ATP1B2: variants seen among roughly 807,000 people sequenced by gnomAD.
ATP1B2 encodes the protein ATPase Na+/K+ transporting subunit beta 2, also known as sodium/potassium-transporting ATPase subunit beta-2.
ATP1B2 carries 12 observed loss-of-function variants against 37.3 expected under a neutral mutation model. The ratio of observed to expected loss-of-function variants is 0.32; its 90% CI spans 0.21 to 0.52. The LOEUF (loss-of-function observed/expected upper bound fraction) is 0.52. Ranked by LOEUF, ATP1B2 falls within the 20% of genes least tolerant of loss-of-function variation. ATP1B2 has a pLI of 0.96. For synonymous variants in ATP1B2, 139 were observed against 140.5 expected (o/e 0.99, Z 0.07); for missense variants, 324 against 391.6 (o/e 0.83, Z 1.46).
upstream of ATP1B2, among the ~76,000 whole-genome samples, chr17:7,647,556 C>T (rs1392305842): frequency 6.6e-6 from 1 of 152,166 alleles, no homozygotes; most frequent in African/African-American, 2.4e-5. Context: ...TGCGGTGGCT[C>T]ACGCCTGTAA....
At position 7,651,779 on chromosome 17, in the gene ATP1B2, C is replaced by G. The variant is rs943532124; in HGVS notation, c.112+149C>G. On this transcript the variant is annotated intron_variant, in intron 1 of 6. Transcript: ENST00000250111. Reference sequence around the variant, plus strand: ...GCTCTGGGCTGGGAGGGGGCCGAATCGCCAGTCTAATCTCCCCGGCTGGCC... The same window carrying G: ...GCTCTGGGCTGGGAGGGGGCCGAATGGCCAGTCTAATCTCCCCGGCTGGCC... The G allele has an allele frequency of 4.5e-6, 3 of 673,100 alleles. No homozygotes were observed. In the African/African-American group the frequency reaches 5.9e-5, roughly 13 times the overall value. The allele number at this position is 673,100 out of a possible 1,614,324, so 41.7% of individuals were successfully genotyped here. A position where few individuals can be genotyped will look rare whatever the true frequency, so the allele number is the denominator to read the frequency against.
chr17:7,649,300 C>A (rs1282001198), upstream of ATP1B2, among the ~76,000 whole-genome samples: 1 of 152,156 alleles, frequency 6.6e-6, no homozygotes, highest in African/African-American at 2.4e-5. Flanking sequence ...TCTCGAACTC[C>A]CTTGCTCAGG....
At position 7,654,834 on chromosome 17, in the gene ATP1B2, T is replaced by G. The variant is rs2072639150; in HGVS notation, c.609+150T>G. On this transcript the variant is annotated intron_variant, in intron 5 of 6. Coordinates refer to ENST00000250111, the MANE Select transcript of ATP1B2 (RefSeq NM_001678.5). The surrounding 1 kb of genome is among the most constrained non-coding windows in gnomAD (Gnocchi z 4.9). ...AAACAAGGGGGTAAGAGTGGGCTTT[T>G]GGGCTCCACTGTAGCTTGAACTCCG... 2 of 832,042 alleles carry G rather than the reference T, an allele frequency of 2.4e-6. No homozygotes were observed. The highest frequency in any genetic ancestry group is 3.8e-6 in the Non-Finnish European group (2 of 520,946). The allele number at this position is 832,042 out of a possible 1,614,324, so 51.5% of individuals were successfully genotyped here. A position where few individuals can be genotyped will look rare whatever the true frequency, so the allele number is the denominator to read the frequency against.
At chr17:7,647,039 T>G (rs928266155), upstream of ATP1B2, among the ~76,000 whole-genome samples, 12 of 148,210 alleles carry the variant, frequency 8.1e-5, no homozygotes, top group Non-Finnish European at 1.6e-4. Context: ...GCTGGGAGGA[T>G]TGGATCACCA....
At chr17:7,649,613 A>C (rs113626315), upstream of ATP1B2, among the ~76,000 whole-genome samples, 2,819 of 125,228 alleles carry the variant, frequency 0.023, 89 homozygotes, top group African/African-American at 0.079. Context: ...AGTGCAGTGG[A>C]GCGATCTCGG....
intron 1 of ATP1B2, among the ~76,000 whole-genome samples, chr17:7,652,911 C>T (rs1254459321): frequency 6.6e-6 from 1 of 152,146 alleles, no homozygotes; most frequent in Admixed American, 6.5e-5. Context: ...CTGAAGGGCA[C>T]CAGGAGAGAG....
chr17:7,654,284 G>A lies in ATP1B2; in HGVS notation c.552+27G>A. On this transcript the variant is annotated intron_variant, in intron 4 of 6. Coordinates refer to ENST00000250111, the MANE Select transcript of ATP1B2 (RefSeq NM_001678.5). The surrounding 1 kb of genome is among the most constrained non-coding windows in gnomAD (Gnocchi z 4.9). ...TATCTATGACCTTGGTCCCCAGGGT[G>A]AATGGAGGAAGGATCTGGGGACACC... The A allele has an allele frequency of 6.2e-7, 1 of 1,610,682 alleles. No individual in the cohort carries two copies. The highest frequency in any genetic ancestry group is 8.5e-7 in the Non-Finnish European group (1 of 1,177,510).
In ATP1B2 at chr17:7,651,601, A is replaced by G. The variant is rs1408311002; in HGVS notation, c.83A>G (p.Gln28Arg). The change falls in exon 1 of 7, where the codon CAG (glutamine) becomes CGG (arginine). Residue 28 changes from glutamine to arginine, a missense_variant. Physicochemically the swap from Gln to Arg is conservative, Grantham distance 43. Transcript: ENST00000250111. ...KEFVWNPRTHQFMGRTGTSWA... is the reference protein window; with the variant it reads ...KEFVWNPRTHRFMGRTGTSWA... The stretch of plus-strand genomic sequence containing the variant: ...TTCGTGTGGAACCCGAGGACGCACC[A>G]GTTTATGGGCCGCACCGGGACCAGC... 2 of 1,605,748 alleles carry G rather than the reference A, an allele frequency of 1.2e-6. No homozygotes were observed. Among genetic ancestry groups the G allele is most frequent in the Non-Finnish European group, 1.7e-6 (2 of 1,176,466 alleles).
At chr17:7,653,559 T>C in intron 2 of ATP1B2, 57 bp downstream of exon 2, 2 of 1,597,862 alleles carry the variant, frequency 1.3e-6, no homozygotes, top group Non-Finnish European at 8.5e-7. Context: ...CCCCCAAACC[T>C]CCAGAAGGAA....
In ATP1B2 at chr17:7,654,882, T is replaced by A. The variant is rs1391568932; in HGVS notation, c.609+198T>A. 3 of 593,784 alleles carry A rather than the reference T, an allele frequency of 5.1e-6. No individual in the cohort carries two copies. The highest frequency in any genetic ancestry group is 3.7e-5 in the African/African-American group (2 of 53,718). The allele number at this position is 593,784 out of a possible 1,614,324, so 36.8% of individuals were successfully genotyped here. A position where few individuals can be genotyped will look rare whatever the true frequency, so the allele number is the denominator to read the frequency against. ...CCGAGGGCCCCGCACTCCTCTTGCT[T>A]CTCTCTGGGATGCAGAGGCCTGCTC... On this transcript the variant is annotated intron_variant, in intron 5 of 6. Coordinates refer to ENST00000250111, the MANE Select transcript of ATP1B2 (RefSeq NM_001678.5). The surrounding 1 kb of genome is among the most constrained non-coding windows in gnomAD (Gnocchi z 4.9).
rs1247295982 is a variant in ATP1B2 at position 7,656,843 on chromosome 17, T to C, written c.*948T>C. On this transcript the variant is annotated 3_prime_UTR_variant, in exon 7 of 7. Transcript: ENST00000250111. The stretch of plus-strand genomic sequence containing the variant: ...GGCTAATTTCTTTCTTTCTTTTTTT[T>C]TTTTTTTGCATTTTTTAGTAGAGAT... 1 of 151,072 alleles carries C rather than the reference T, an allele frequency of 6.6e-6. No individual in the cohort carries two copies. The highest frequency in any genetic ancestry group is 1.5e-5 in the Non-Finnish European group (1 of 67,716). 9.4% of individuals were successfully genotyped at this position (151,072 alleles called of 1,614,324 possible).
At chr17:7,649,092 G>A (rs1393646488), upstream of ATP1B2, among the ~76,000 whole-genome samples, 1 of 152,094 alleles carries the variant, frequency 6.6e-6, no homozygotes, top group Non-Finnish European at 1.5e-5. Context: ...TTTTGCTCTT[G>A]TCCAGGCTGG....
rs1469561561 is a variant in ATP1B2 at position 7,650,952 on chromosome 17, C to T, written c.-567C>T. Among the ~76,000 whole-genome samples the T allele has an allele frequency of 2.0e-5, 3 of 152,140 alleles. No individual in the cohort carries two copies. The highest frequency in any genetic ancestry group is 4.4e-5 in the Non-Finnish European group (3 of 68,012). ...CACTGCTGAGGAGCGGAGCCTCCGC[C>T]TGGGGGGCCCCCCATCCCTGGCTGT... On this transcript the variant is annotated 5_prime_UTR_variant, in exon 1 of 7. Coordinates refer to ENST00000250111, the MANE Select transcript of ATP1B2 (RefSeq NM_001678.5).
intron 1 of ATP1B2, among the ~76,000 whole-genome samples, chr17:7,652,930 A>G (rs542593438): frequency 3.3e-5 from 5 of 152,286 alleles, no homozygotes; most frequent in South Asian, 2.1e-4. Context: ...AGATGTTGCT[A>G]TTCAAATCTG....
chr17:7,657,340 C>G lies in ATP1B2; in HGVS notation c.*1445C>G, dbSNP rs2072661907. The G allele has an allele frequency of 6.6e-6, 1 of 152,048 alleles. No homozygotes were observed. The highest frequency in any genetic ancestry group is 2.4e-5 in the African/African-American group (1 of 41,370). The allele number at this position is 152,048 out of a possible 1,614,324, so 9.4% of individuals were successfully genotyped here. A position where few individuals can be genotyped will look rare whatever the true frequency, so the allele number is the denominator to read the frequency against. On this transcript the variant is annotated 3_prime_UTR_variant, in exon 7 of 7. Transcript: ENST00000250111. The stretch of plus-strand genomic sequence containing the variant: ...AGCCTGAAAATTCCAAATCTAGCCT[C>G]TGAATGTCTTGGCTCCATCTCTTCA...
chr17:7,649,448 C>T (rs924178207), upstream of ATP1B2, among the ~76,000 whole-genome samples: 40 of 151,678 alleles, frequency 2.6e-4, no homozygotes, highest in African/African-American at 8.7e-4. Context: ...AGTGCAATGG[C>T]GTGATCTCAG....
rs2072611473 is a variant in ATP1B2 at position 7,651,429 on chromosome 17, C to T, written c.-90C>T. ...GCCCGCGCCGCCTTCGCTCCCCGTG[C>T]TTTTGGGTGTGTGGAGGGCTTCAGC... is the stretch of plus-strand genomic sequence containing the variant. On this transcript the variant is annotated 5_prime_UTR_variant, in exon 1 of 7. Transcript: ENST00000250111. The T allele has an allele frequency of 8.3e-7, 1 of 1,207,676 alleles. No homozygotes were observed. Among genetic ancestry groups the T allele is most frequent in the African/African-American group, 1.5e-5 (1 of 65,418 alleles). 74.8% of individuals were successfully genotyped at this position (1,207,676 alleles called of 1,614,324 possible).
In ATP1B2 at chr17:7,655,626, G is replaced by A. The variant is rs1466754424; in HGVS notation, c.708+1G>A. On this transcript the variant is annotated splice_donor_variant, in intron 6 of 6. Coordinates refer to ENST00000250111, the MANE Select transcript of ATP1B2 (RefSeq NM_001678.5). LOFTEE classifies it high-confidence loss of function. This position sits in a 1 kb window ranked among gnomAD's most constrained non-coding sequence, Gnocchi z 4.4. ...CCCCTACTATGGCAAAAAGTTCCAC[G>A]TAAGTCCCAGGGGAGGCCCAGGCTG... 6 of 1,614,022 alleles carry A rather than the reference G, an allele frequency of 3.7e-6. No homozygotes were observed. The highest frequency in any genetic ancestry group is 5.1e-6 in the Non-Finnish European group (6 of 1,180,030).
Position 7,654,077 on chromosome 17 carries a change from A to G in ATP1B2, c.372A>G (p.Gln124=), listed in dbSNP as rs2072632701. ...CTTACAACGACTCTATCCAAGCCCA[A>G]AAGAATGATGTCTGCCGCCCTGGAC... ...LEPYNDSIQA[Q]KNDVCRPGRY... Residue 124 remains glutamine (Q), a synonymous_variant, in exon 4 of 7, where the codon CAA becomes CAG. Coordinates refer to ENST00000250111, the MANE Select transcript of ATP1B2 (RefSeq NM_001678.5). This position sits in a 1 kb window ranked among gnomAD's most constrained non-coding sequence, Gnocchi z 4.9. 2.5e-6 allele frequency: 4 copies of G among 1,614,172 alleles called. No homozygotes were observed. In the East Asian group the frequency reaches 8.9e-5, roughly 36 times the overall value.
Sources: allele counts gnomAD v4.1 joint callset (sites outside exome capture counted in the v4.1 genomes callset), GRCh38; gene constraint gnomAD v4.1.1; non-coding constraint Gnocchi (gnomAD v3.1); transcripts MANE v1.5; gene names NCBI Gene and HGNC (gene_info 2026-07-23, HGNC 2026-07-21).